Variants in FNIP1 observed in about 807,000 individuals in gnomAD.
FNIP1 encodes the protein folliculin interacting protein 1.
FNIP1 carries 40 observed loss-of-function variants against 124.5 expected under a neutral mutation model. That is an observed-to-expected ratio of 0.32 (90% confidence interval 0.25 to 0.42). The LOEUF (loss-of-function observed/expected upper bound fraction) is 0.42, where lower values mean the gene tolerates loss of function less well. Ranked by LOEUF, FNIP1 falls within the 10% of genes least tolerant of loss-of-function variation. The pLI is 1.00. For missense variants in FNIP1, 1,176 were observed against 1,403.7 expected (o/e 0.84, Z 2.59); for synonymous variants, 472 against 470.6 (o/e 1.00, Z -0.04).
rs554749395 is a variant in FNIP1 at position 131,793,568 on chromosome 5, T to C, written c.92+3262A>G. 5.3e-5 allele frequency among the ~76,000 whole-genome samples: 8 copies of C among 152,228 alleles called. No homozygotes were observed. The South Asian group carries it at 6.2e-4, about 12-fold the overall frequency. On this transcript the variant is annotated intron_variant, in intron 1 of 17. Coordinates refer to ENST00000510461, the MANE Select transcript of FNIP1 (RefSeq NM_133372.3). ...AGCTCAAGAATCTTAGATAAGCACA[T>C]AGAAATCGATATGGTAAGAGACCTT...
chr5:131,759,709 T>C (rs973717490), intron 1 of FNIP1, among the ~76,000 whole-genome samples: 4 of 152,164 alleles, frequency 2.6e-5, no homozygotes, highest in African/African-American at 9.7e-5. Flanking sequence ...TTAAAACAGC[T>C]ACCATTTGAT....
At position 131,671,882 on chromosome 5, in the gene FNIP1, A is replaced by T. The variant is rs777196656; in HGVS notation, c.2562T>A (p.Phe854Leu). Residue 854 changes from phenylalanine (F) to leucine (L), a missense_variant, in exon 14 of 18, where the codon TTT (phenylalanine) becomes TTA (leucine). Phe to Leu is a conservative substitution (Grantham distance 22, BLOSUM62 0). Around this residue, in one of 2 missense-constraint regions of FNIP1, gnomAD observed 1,109 missense variants for 1,288.5 expected, o/e 0.86. Coordinates refer to ENST00000510461, the MANE Select transcript of FNIP1 (RefSeq NM_133372.3). The part of the protein sequence containing the change: ...IETRTIDDVP[F>L]KTSTDSKDHC... ...GGTCTTTACTATCTGTACTTGTTTT[A>T]AATGGAACATCATCAATAGTCCTGG... 1.2e-6 allele frequency: 2 copies of T among 1,614,172 alleles called. No homozygotes were observed. The highest frequency in any genetic ancestry group is 3.3e-5 in the Admixed American group (2 of 60,032).
intron 10 of FNIP1, among the ~76,000 whole-genome samples, chr5:131,701,114 T>C (rs1037816555): frequency 1.3e-5 from 2 of 152,130 alleles, no homozygotes; most frequent in Non-Finnish European, 2.9e-5. Context: ...AGTGGCAGCA[T>C]TAGATTCTCA....
In FNIP1 at chr5:131,734,337, CTGA is replaced by C. The variant is rs532947928; in HGVS notation, c.220-3302_220-3300del. 4.7e-3 allele frequency among the ~76,000 whole-genome samples: 711 copies of C among 152,272 alleles called. 8 individuals carry two copies. The highest frequency in any genetic ancestry group is 0.016 in the African/African-American group (675 of 41,546). ...TGTCTCTATCTCCTTCAGTTCTGCTCTGATCTTAGTTATTTCTTGCCTTCTGCT... is the reference window on the plus strand; with the variant it reads ...TGTCTCTATCTCCTTCAGTTCTGCTCTCTTAGTTATTTCTTGCCTTCTGCT... On this transcript the variant is annotated intron_variant, in intron 2 of 17. Coordinates refer to ENST00000510461, the MANE Select transcript of FNIP1 (RefSeq NM_133372.3).
At chr5:131,750,607 C>T (rs1349421715) in intron 1 of FNIP1, among the ~76,000 whole-genome samples, 1 of 150,614 alleles carries the variant, frequency 6.6e-6, no homozygotes, top group Non-Finnish European at 1.5e-5. Context: ...GTATATTCTT[C>T]CCTTCTTTCT....
In FNIP1 at chr5:131,657,736, C is replaced by CAAAAAAAA. The variant is rs59097834; in HGVS notation, c.3109-5745_3109-5738dup. On this transcript the variant is annotated intron_variant, in intron 15 of 17. Coordinates refer to ENST00000510461, the MANE Select transcript of FNIP1 (RefSeq NM_133372.3). ...ATGATGAAAGAGCTTGAAAATAAGG[C>CAAAAAAAA]AAAAAAAAAAAAAAAAAAAAAACGG... Among the ~76,000 whole-genome samples the CAAAAAAAA allele has an allele frequency of 2.0e-3, 129 of 65,032 alleles. 9 individuals carry two copies. Among genetic ancestry groups the CAAAAAAAA allele is most frequent in the African/African-American group, 7.5e-3 (121 of 16,138 alleles). 42.7% of individuals were successfully genotyped at this position (65,032 alleles called of 152,430 possible). A position where few individuals can be genotyped will look rare whatever the true frequency, so the allele number is the denominator to read the frequency against.
chr5:131,702,036 G>A (rs17672451), intron 10 of FNIP1, among the ~76,000 whole-genome samples: 609 of 152,218 alleles, frequency 4.0e-3, no homozygotes, highest in Non-Finnish European at 7.1e-3. Flanking sequence ...TGGAAAATTC[G>A]CCAAGATGTT....
At chr5:131,730,833 C>T in intron 3 of FNIP1, 71 bp downstream of exon 3, 3 of 1,282,884 alleles carry the variant, frequency 2.3e-6, no homozygotes, top group South Asian at 3.0e-5. Context: ...ATTATATCTC[C>T]ACAGTCCACT....
At chr5:131,735,476 CGTATATAT>C (rs1770261174) in intron 2 of FNIP1, among the ~76,000 whole-genome samples, 2 of 21,162 alleles carry the variant, frequency 9.5e-5, no homozygotes, top group Admixed American at 4.5e-4. Flanking sequence ...TACACACATA[CGTATATAT>C]GTATATATAC....
chr5:131,723,570 T>C (rs1303232450), intron 3 of FNIP1, among the ~76,000 whole-genome samples: 1 of 152,200 alleles, frequency 6.6e-6, no homozygotes, highest in Admixed American at 6.5e-5. Flanking sequence ...ATTAAAAGGA[T>C]GCTATTATCA....
chr5:131,702,348 T>A (rs539382766), intron 10 of FNIP1, among the ~76,000 whole-genome samples: 15 of 152,146 alleles, frequency 9.9e-5, no homozygotes, highest in African/African-American at 3.6e-4. Context: ...GGCTAATTTT[T>A]AAATTTTTTT....
intron 11 of FNIP1, among the ~76,000 whole-genome samples, chr5:131,698,662 C>T (rs1283311627): frequency 6.6e-6 from 1 of 152,152 alleles, no homozygotes; most frequent in Non-Finnish European, 1.5e-5. Context: ...TTTGCTAGAA[C>T]AAGGGTCTTT....
intron 1 of FNIP1, among the ~76,000 whole-genome samples, chr5:131,750,748 G>A (rs1013751914): frequency 1.3e-5 from 2 of 151,858 alleles, no homozygotes; most frequent in Non-Finnish European, 2.9e-5. Flanking sequence ...AATTAGCTGA[G>A]ATTACAGGTA....
chr5:131,749,962 C>G (rs1770814499), intron 1 of FNIP1, among the ~76,000 whole-genome samples: 1 of 152,148 alleles, frequency 6.6e-6, no homozygotes, highest in Non-Finnish European at 1.5e-5. Context: ...AGAGCCCCAT[C>G]ATTCACTGGT....
In FNIP1 at chr5:131,778,897, C is replaced by CA. The variant is rs1409310834; in HGVS notation, c.92+17932dup. On this transcript the variant is annotated intron_variant, in intron 1 of 17. Transcript: ENST00000510461. ...CATTCTCAGTAAACTATCGCAAGAA[C>CA]AAAAAACCAAACACCGCATATTCTC... is the stretch of plus-strand genomic sequence containing the variant. Among the ~76,000 whole-genome samples, 9 of 120,280 alleles carry CA rather than the reference C, an allele frequency of 7.5e-5. No homozygotes were observed. In the South Asian group the frequency reaches 2.4e-3, roughly 32 times the overall value. The allele number at this position is 120,280 out of a possible 152,430, so 78.9% of individuals were successfully genotyped here. A position where few individuals can be genotyped will look rare whatever the true frequency, so the allele number is the denominator to read the frequency against.
chr5:131,735,664 A>G (rs920703397), intron 2 of FNIP1, among the ~76,000 whole-genome samples: 1 of 149,946 alleles, frequency 6.7e-6, no homozygotes, highest in African/African-American at 2.4e-5. Context: ...ATATATGTAT[A>G]TATACGTATA....
intron 15 of FNIP1, among the ~76,000 whole-genome samples, chr5:131,655,871 T>C: frequency 6.6e-6 from 1 of 151,744 alleles, no homozygotes; most frequent in East Asian, 1.9e-4. Context: ...TGAACCAAGA[T>C]TGCGTCACTG....
At chr5:131,689,953 G>T (rs1397004487) in intron 11 of FNIP1, among the ~76,000 whole-genome samples, 1 of 152,178 alleles carries the variant, frequency 6.6e-6, no homozygotes, top group African/African-American at 2.4e-5. Flanking sequence ...GGGTGCAGTG[G>T]CTCACGCCTG....
rs1287964961 is a variant in FNIP1, at chr5:131,718,971, T to C, written c.530+15A>G. 6.2e-7 allele frequency: 1 copy of C among 1,608,980 alleles called. No homozygotes were observed. The highest frequency in any genetic ancestry group is 8.5e-7 in the Non-Finnish European group (1 of 1,175,722). On this transcript the variant is annotated intron_variant, in intron 5 of 17. Transcript: ENST00000510461. ...CTAAAGTGATACATTTCCCCCTGTATCCATAAGCACTTACGTATTGAGACT... is the reference window on the plus strand; with the variant it reads ...CTAAAGTGATACATTTCCCCCTGTACCCATAAGCACTTACGTATTGAGACT...
Sources: allele counts gnomAD v4.1 joint callset (sites outside exome capture counted in the v4.1 genomes callset), GRCh38; gene constraint gnomAD v4.1.1; regional missense constraint gnomAD v4.1.1; transcripts MANE v1.5; gene names NCBI Gene and HGNC (gene_info 2026-07-23, HGNC 2026-07-21).